The following MECOM variants were observed in gnomAD, a reference collection of about 807,000 sequenced individuals.
MECOM encodes histone-lysine N-methyltransferase MECOM.
A neutral mutation model predicts 116.3 loss-of-function variants in MECOM; 13 were observed. That is an observed-to-expected ratio of 0.11 (90% CI 0.07 to 0.18). The LOEUF is 0.18. MECOM is among the 10% of genes least tolerant of loss of function. The pLI is 1.00. For synonymous variants in MECOM, 528 were observed against 535.2 expected, an observed-to-expected ratio of 0.99 and a Z score of 0.19; for missense variants, 1,299 against 1,509.0, an observed-to-expected ratio of 0.86 and a Z score of 2.31.
chr3:169,229,343 C>T (rs548182132), intron 2 of MECOM, among the ~76,000 whole-genome samples: 1 of 152,288 alleles, frequency 6.6e-6, no homozygotes, highest in Admixed American at 6.5e-5. Flanking sequence ...GTCACAAGAG[C>T]ATCTCAACTA....
At chr3:169,640,720 T>C (rs1033161221) in intron 1 of MECOM, among the ~76,000 whole-genome samples, 18 of 152,164 alleles carry the variant, frequency 1.2e-4, no homozygotes, top group African/African-American at 3.6e-4. Flanking sequence ...ATAGAGGTGA[T>C]GTCAATGTCC....
chr3:169,539,206 T>G (rs1759760250), intron 1 of MECOM, among the ~76,000 whole-genome samples: 1 of 152,196 alleles, frequency 6.6e-6, no homozygotes. Flanking sequence ...ATTTGTTGAG[T>G]AATCTTCACT....
rs1160223015 is a variant in MECOM at position 169,472,533 on chromosome 3, A to AAAAGAAAAGAAAAGAAAAGAAAAGG, written c.38-91010_38-91009insCCTTTTCTTTTCTTTTCTTTTCTTT. The stretch of plus-strand genomic sequence containing the variant: ...GAAAGGAAAGGAAAGAAAAGAAAAG[A>AAAAGAAAAGAAAAGAAAAGAAAAGG]AAAGGAAAGGAAAGGAAAAGAAAAG... On this transcript the variant is annotated intron_variant, in intron 1 of 16. Coordinates refer to ENST00000651503, the MANE Select transcript of MECOM (RefSeq NM_004991.4). Among the ~76,000 whole-genome samples the AAAAGAAAAGAAAAGAAAAGAAAAGG allele has an allele frequency of 4.7e-5, 4 of 85,144 alleles. 1 individual carries two copies. Among genetic ancestry groups the AAAAGAAAAGAAAAGAAAAGAAAAGG allele is most frequent in the African/African-American group, 1.8e-4 (3 of 16,456 alleles). The allele number at this position is 85,144 out of a possible 152,430, so 55.9% of individuals were successfully genotyped here. A position where few individuals can be genotyped will look rare whatever the true frequency, so the allele number is the denominator to read the frequency against.
intron 2 of MECOM, among the ~76,000 whole-genome samples, chr3:169,325,624 T>G (rs1416393736): frequency 6.6e-6 from 1 of 152,224 alleles, no homozygotes; most frequent in Non-Finnish European, 1.5e-5. Flanking sequence ...TTAAGAACAC[T>G]GAATGCACTG....
chr3:169,485,930 A>ATG lies in MECOM; in HGVS notation c.38-104407_38-104406insCA, dbSNP rs1560340220. On this transcript the variant is annotated intron_variant, in intron 1 of 16. Transcript: ENST00000651503. The stretch of plus-strand genomic sequence containing the variant: ...ATATATGTATGTATATATAGTATAT[A>ATG]TAGTATATATGTATGTATATATGTA... Among the ~76,000 whole-genome samples the ATG allele has an allele frequency of 1.3e-3, 105 of 82,154 alleles. 1 individual carries two copies. The highest frequency in any genetic ancestry group is 0.012 in the East Asian group (27 of 2,270). The allele number at this position is 82,154 out of a possible 152,430, so 53.9% of individuals were successfully genotyped here.
chr3:169,483,880 C>G lies in MECOM; in HGVS notation c.38-102356G>C, dbSNP rs1430357059. The stretch of plus-strand genomic sequence containing the variant: ...CTCTTGCTCCTTTCGATGGTCACCA[C>G]CCCTCCACCAAGGTTCCCAGCTTTT... On this transcript the variant is annotated intron_variant, in intron 1 of 16. Transcript: ENST00000651503. 3.1e-6 allele frequency: 5 copies of G among 1,610,576 alleles called. No homozygotes were observed. In the East Asian group the frequency reaches 1.1e-4, roughly 36 times the overall value.
intron 1 of MECOM, among the ~76,000 whole-genome samples, chr3:169,553,364 T>C (rs1337767873): frequency 6.6e-6 from 1 of 152,142 alleles, no homozygotes; most frequent in East Asian, 1.9e-4. Context: ...TAAAGCAGGA[T>C]GGTATGATAG....
In MECOM at chr3:169,195,718, TG is replaced by T. The variant is rs552946784; in HGVS notation, c.376-51887del. Among the ~76,000 whole-genome samples the T allele has an allele frequency of 3.3e-4, 50 of 152,108 alleles. No homozygotes were observed. The South Asian group carries it at 0.01, about 32-fold the overall frequency. The stretch of plus-strand genomic sequence containing the variant: ...TCAGAGGTAAAAGCTAAAGATGCAT[TG>T]TAGCCTGAGGGATGATTGAATGAAA... On this transcript the variant is annotated intron_variant, in intron 2 of 16. Transcript: ENST00000651503.
chr3:169,589,050 C>A (rs916717424), intron 1 of MECOM, among the ~76,000 whole-genome samples: 7 of 151,954 alleles, frequency 4.6e-5, no homozygotes, highest in Non-Finnish European at 1.0e-4. Context: ...GTCTACCATA[C>A]CTTGTGCTCT....
At chr3:169,588,727 G>A (rs1766047132) in intron 1 of MECOM, among the ~76,000 whole-genome samples, 1 of 151,968 alleles carries the variant, frequency 6.6e-6, no homozygotes, top group African/African-American at 2.4e-5. Context: ...TCCACACTTC[G>A]TACGTTTTCC....
At chr3:169,300,455 G>A (rs561789889) in intron 2 of MECOM, among the ~76,000 whole-genome samples, 44 of 152,226 alleles carry the variant, frequency 2.9e-4, no homozygotes, top group Middle Eastern at 3.4e-3. Context: ...CAACATTTTA[G>A]TTAACCCAGT....
At chr3:169,353,297 T>A (rs543077190) in intron 2 of MECOM, among the ~76,000 whole-genome samples, 2 of 152,012 alleles carry the variant, frequency 1.3e-5, no homozygotes, top group African/African-American at 4.8e-5. Context: ...AACTACTTCA[T>A]CAATTTTGGA....
chr3:169,325,025 T>A (rs933515333), intron 2 of MECOM, among the ~76,000 whole-genome samples: 10 of 152,150 alleles, frequency 6.6e-5, no homozygotes, highest in Non-Finnish European at 1.5e-4. Context: ...AGCAGAGTAC[T>A]AAATCTAGGA....
intron 1 of MECOM, among the ~76,000 whole-genome samples, chr3:169,457,066 C>A (rs1334120970): frequency 2.0e-5 from 3 of 152,262 alleles, no homozygotes; most frequent in South Asian, 2.1e-4. Context: ...TCATTGCCAT[C>A]CAATCCCTCC....
intron 1 of MECOM, among the ~76,000 whole-genome samples, chr3:169,558,351 T>G (rs1043328550): frequency 1.3e-5 from 2 of 152,242 alleles, no homozygotes; most frequent in African/African-American, 4.8e-5. Context: ...ATGTCAAATC[T>G]ATTATAATTC....
chr3:169,403,155 C>T (rs1736156964), intron 1 of MECOM, among the ~76,000 whole-genome samples: 1 of 152,220 alleles, frequency 6.6e-6, no homozygotes, highest in South Asian at 2.1e-4. Context: ...CATCCCAGAA[C>T]TCTAAATCCC....
At chr3:169,544,394 G>T (rs962150563) in intron 1 of MECOM, among the ~76,000 whole-genome samples, 19 of 152,238 alleles carry the variant, frequency 1.2e-4, no homozygotes, top group South Asian at 2.1e-4. Context: ...TGGTATTGCT[G>T]GGTCAAATGG....
chr3:169,380,389 G>T (rs1343860450), intron 2 of MECOM, among the ~76,000 whole-genome samples: 1 of 131,244 alleles, frequency 7.6e-6, no homozygotes, highest in African/African-American at 2.9e-5. Flanking sequence ...GAAATAAATG[G>T]AAAGTATATA....
At chr3:169,634,470 T>C (rs1422442536) in intron 1 of MECOM, among the ~76,000 whole-genome samples, 3 of 152,194 alleles carry the variant, frequency 2.0e-5, no homozygotes, top group African/African-American at 7.2e-5. Flanking sequence ...TCTATTTCAA[T>C]AGCTAATCTC....
Sources: gnomAD v4.1 joint callset for allele counts (sites outside exome capture counted in the v4.1 genomes callset) on GRCh38, gnomAD v4.1.1 for gene constraint, MANE v1.5 for transcripts, NCBI Gene and HGNC (gene_info 2026-07-23, HGNC 2026-07-21) for gene names.